USP3: variants seen among roughly 807,000 people sequenced by gnomAD.
USP3 encodes ubiquitin carboxyl-terminal hydrolase 3.
Under a neutral mutation model 72.3 loss-of-function variants are expected in USP3, and 20 were observed. The observed-to-expected ratio is 0.28, with a 90% CI of 0.19 to 0.40. The LOEUF (loss-of-function observed/expected upper bound fraction) is 0.40. Among genes scored for constraint, USP3 ranks in the 10% least tolerant of loss-of-function variants. The pLI is 1.00. For synonymous variants in USP3, 222 were observed against 225.3 expected, an observed-to-expected ratio of 0.99 and a Z score of 0.13; for missense variants, 479 against 633.9, an observed-to-expected ratio of 0.76 and a Z score of 2.62.
chr15:63,569,047 G>A (rs889977358), intron 8 of USP3, among the ~76,000 whole-genome samples: 1 of 152,194 alleles, frequency 6.6e-6, no homozygotes. Context: ...GCTATAAGGT[G>A]CTGGTTTTCA....
At chr15:63,559,312 A>T (rs147871966) in intron 6 of USP3, among the ~76,000 whole-genome samples, 1 of 152,348 alleles carries the variant, frequency 6.6e-6, no homozygotes, top group Non-Finnish European at 1.5e-5. Context: ...TTTTAATGAG[A>T]CATCAAAGGC....
chr15:63,506,000 A>G (rs1276809320), intron 1 of USP3, among the ~76,000 whole-genome samples: 3 of 152,208 alleles, frequency 2.0e-5, no homozygotes, highest in Non-Finnish European at 2.9e-5. Flanking sequence ...TGGAAACAAC[A>G]TCGGTAGGTC....
rs1245964438 is a variant in USP3 at position 63,553,368 on chromosome 15, A to G, written c.285-347A>G. On this transcript the variant is annotated intron_variant, in intron 3 of 14. Transcript: ENST00000380324. This position sits in a 1 kb window ranked among gnomAD's most constrained non-coding sequence, Gnocchi z 4.2. ...GTGTCAACTTAAAGCTTTAGGCTTA[A>G]TGCTACATGAAAAGACTCGGTGCTT... 1 of 162,472 alleles carries G rather than the reference A, an allele frequency of 6.2e-6. No homozygotes were observed. The highest frequency in any genetic ancestry group is 2.4e-5 in the African/African-American group (1 of 41,770). The allele number at this position is 162,472 out of a possible 1,614,324, so 10.1% of individuals were successfully genotyped here. A position where few individuals can be genotyped will look rare whatever the true frequency, so the allele number is the denominator to read the frequency against.
intron 1 of USP3, among the ~76,000 whole-genome samples, chr15:63,509,756 G>C (rs916720508): frequency 6.6e-6 from 1 of 152,074 alleles, no homozygotes; most frequent in African/African-American, 2.4e-5. Flanking sequence ...CTTATTTCTA[G>C]AGTCTCTAAA....
At chr15:63,590,398 C>T (rs757325693) in intron 14 of USP3, among the ~76,000 whole-genome samples, 14 of 152,076 alleles carry the variant, frequency 9.2e-5, no homozygotes, top group African/African-American at 2.4e-4. Flanking sequence ...TCCATGTTTC[C>T]GTAGGCTTTG....
intron 7 of USP3, 87 bp from the exon 8 acceptor site, chr15:63,562,808 T>C (rs1344516443): frequency 4.1e-6 from 3 of 739,036 alleles, no homozygotes; most frequent in Non-Finnish European, 6.5e-6. Flanking sequence ...TCATTTCCTA[T>C]ATATTAGGCA....
chr15:63,568,698 A>G (rs1379471885), intron 8 of USP3, among the ~76,000 whole-genome samples: 1 of 152,244 alleles, frequency 6.6e-6, no homozygotes, highest in African/African-American at 2.4e-5. Context: ...AGATAAGTCA[A>G]TGAAGTTATA....
At position 63,555,801 on chromosome 15, in the gene USP3, G is replaced by T. The variant is rs79171307; in HGVS notation, c.369-866G>T. Among the ~76,000 whole-genome samples, 850 of 152,202 alleles carry T rather than the reference G, an allele frequency of 5.6e-3. 10 individuals are homozygous for T. Among genetic ancestry groups the T allele is most frequent in the African/African-American group, 0.02 (817 of 41,520 alleles). ...CACACAGTTCTGAAGAACATTTTGAGGTTTGAAGCAACTGTCACTAGTTCT... is the reference window on the plus strand; with the variant it reads ...CACACAGTTCTGAAGAACATTTTGATGTTTGAAGCAACTGTCACTAGTTCT... On this transcript the variant is annotated intron_variant, in intron 4 of 14. Transcript: ENST00000380324.
intron 2 of USP3, among the ~76,000 whole-genome samples, chr15:63,534,968 G>A (rs1175902358): frequency 1.3e-5 from 2 of 152,106 alleles, no homozygotes; most frequent in East Asian, 1.9e-4. Flanking sequence ...GTCTCACTCT[G>A]TCACCCAGGC....
intron 8 of USP3, among the ~76,000 whole-genome samples, chr15:63,566,722 C>T (rs946461270): frequency 2.0e-5 from 3 of 152,194 alleles, no homozygotes; most frequent in Non-Finnish European, 4.4e-5. Context: ...ACCATTTTCA[C>T]TGTAGCCAAG....
At chr15:63,550,883 G>A (rs535943613) in intron 3 of USP3, among the ~76,000 whole-genome samples, 59 of 152,170 alleles carry the variant, frequency 3.9e-4, no homozygotes, top group African/African-American at 1.3e-3. Flanking sequence ...CTAGTCAGGC[G>A]CGGTGGCTCA....
chr15:63,510,655 A>T (rs150958366), intron 1 of USP3, among the ~76,000 whole-genome samples: 1 of 152,236 alleles, frequency 6.6e-6, no homozygotes, highest in Non-Finnish European at 1.5e-5. Context: ...AAGTACTTTG[A>T]TGGGTTCTCA....
At chr15:63,569,704 T>C (rs2066749676) in intron 8 of USP3, among the ~76,000 whole-genome samples, 1 of 152,232 alleles carries the variant, frequency 6.6e-6, no homozygotes, top group African/African-American at 2.4e-5. Flanking sequence ...TCATTTTGTC[T>C]GCCTTTGTTC....
At chr15:63,558,537 G>GTC (rs1248185823) in intron 6 of USP3, among the ~76,000 whole-genome samples, 1 of 151,932 alleles carries the variant, frequency 6.6e-6, no homozygotes, top group Non-Finnish European at 1.5e-5. Flanking sequence ...TCAGGCTACA[G>GTC]TCTCTCTCAG....
rs11457 is a variant in USP3, at chr15:63,594,180, G to C, written c.*3354G>C. 72,629 of 151,994 alleles carry C rather than the reference G, an allele frequency of 0.48. 18,273 individuals are homozygous for C. The highest frequency in any genetic ancestry group is 0.56 in the Non-Finnish European group (37,807 of 67,988). The allele number at this position is 151,994 out of a possible 1,614,324, so 9.4% of individuals were successfully genotyped here. A position where few individuals can be genotyped will look rare whatever the true frequency, so the allele number is the denominator to read the frequency against. Reference sequence around the variant, plus strand: ...GGTTTAGTGTACATAAGTCTATTTAGATACACTTATCCCACTTTAATCTCC... The same window carrying C: ...GGTTTAGTGTACATAAGTCTATTTACATACACTTATCCCACTTTAATCTCC... On this transcript the variant is annotated 3_prime_UTR_variant, in exon 15 of 15. Transcript: ENST00000380324.
chr15:63,581,024 T>G (rs1380007540), intron 11 of USP3, among the ~76,000 whole-genome samples: 1 of 152,104 alleles, frequency 6.6e-6, no homozygotes, highest in East Asian at 1.9e-4. Flanking sequence ...CAGGCTGGTC[T>G]CAGACTCCTG....
At position 63,544,788 on chromosome 15, in the gene USP3, C is replaced by G; in HGVS notation, c.284+7632C>G. 1.4e-6 allele frequency: 1 copy of G among 696,946 alleles called. No individual in the cohort carries two copies. Among genetic ancestry groups the G allele is most frequent in the Non-Finnish European group, 2.6e-6 (1 of 382,914 alleles). 43.2% of individuals were successfully genotyped at this position (696,946 alleles called of 1,614,324 possible). ...AACTCTAAAACTAGAGCAGGTAACA[C>G]TGAAGTGAAAGGGAAGATTGGGAGG... On this transcript the variant is annotated intron_variant, in intron 3 of 14. Transcript: ENST00000380324. This position sits in a 1 kb window ranked among gnomAD's most constrained non-coding sequence, Gnocchi z 4.2.
intron 11 of USP3, among the ~76,000 whole-genome samples, chr15:63,583,120 GA>G (rs201468100): frequency 9.5e-4 from 144 of 152,242 alleles, no homozygotes; most frequent in African/African-American, 3.1e-3. Flanking sequence ...ATAGGGGGGG[GA>G]AAAAGGCTTC....
chr15:63,549,400 C>T (rs1265539679), intron 3 of USP3, among the ~76,000 whole-genome samples: 4 of 152,180 alleles, frequency 2.6e-5, no homozygotes, highest in Admixed American at 2.6e-4. Flanking sequence ...AGAAGTGCAG[C>T]ACTGTCAAAA....
Sources: allele counts gnomAD v4.1 joint callset (sites outside exome capture counted in the v4.1 genomes callset), GRCh38; gene constraint gnomAD v4.1.1; non-coding constraint Gnocchi (gnomAD v3.1); transcripts MANE v1.5; gene names NCBI Gene and HGNC (gene_info 2026-07-23, HGNC 2026-07-21).